The following SV2B variants were observed in gnomAD, a reference collection of about 807,000 sequenced individuals.
SV2B encodes the protein solute carrier family 22 member B2.
SV2B carries 41 observed loss-of-function variants against 73.9 expected under a neutral mutation model. That is an observed-to-expected ratio of 0.56 (90% CI 0.43 to 0.72). The LOEUF (loss-of-function observed/expected upper bound fraction) is 0.72. Among genes scored for constraint, SV2B ranks in the 30% least tolerant of loss-of-function variants. The pLI, the probability that SV2B is intolerant of heterozygous loss-of-function variation, is 0.00. For missense variants in SV2B, 764 were observed against 857.8 expected, an observed-to-expected ratio of 0.89 and a Z score of 1.37; for synonymous variants, 314 against 314.2, an observed-to-expected ratio of 1.00 and a Z score of 0.01.
chr15:91,269,937 C>G (rs1239551588), intron 9 of SV2B, among the ~76,000 whole-genome samples: 2 of 152,148 alleles, frequency 1.3e-5, no homozygotes, highest in South Asian at 2.1e-4. Context: ...TTATCCTCTG[C>G]CCAGAGTGAC....
chr15:91,204,307 T>G (rs565022449), intron 1 of SV2B, among the ~76,000 whole-genome samples: 1 of 152,270 alleles, frequency 6.6e-6, no homozygotes, highest in South Asian at 2.1e-4. Context: ...TTTAACTCAG[T>G]TCCTTGGTTG....
At chr15:91,207,468 G>A (rs1189299946) in intron 1 of SV2B, among the ~76,000 whole-genome samples, 1 of 152,076 alleles carries the variant, frequency 6.6e-6, no homozygotes, top group Non-Finnish European at 1.5e-5. Flanking sequence ...CTGTGTGTGT[G>A]GTCTGTGTGG....
chr15:91,189,920 G>A (rs1567328809), intron 1 of SV2B, among the ~76,000 whole-genome samples: 1 of 152,016 alleles, frequency 6.6e-6, no homozygotes, highest in Admixed American at 6.6e-5. Flanking sequence ...CCCGGGAGGC[G>A]GAGCTGGCAG....
intron 1 of SV2B, among the ~76,000 whole-genome samples, chr15:91,153,527 G>T (rs2043381884): frequency 6.6e-6 from 1 of 152,130 alleles, no homozygotes; most frequent in South Asian, 2.1e-4. Context: ...TCGTATGATT[G>T]CTTTGAGGAT....
chr15:91,173,653 G>T (rs975719835), intron 1 of SV2B, among the ~76,000 whole-genome samples: 1 of 152,192 alleles, frequency 6.6e-6, no homozygotes, highest in Non-Finnish European at 1.5e-5. Context: ...CTAAGTGGTT[G>T]CCCAGTTCCA....
intron 1 of SV2B, among the ~76,000 whole-genome samples, chr15:91,201,540 C>T (rs1364309919): frequency 2.6e-5 from 4 of 152,180 alleles, no homozygotes; most frequent in Admixed American, 6.5e-5. Context: ...GCCATTTCTC[C>T]CTGAACTCTG....
intron 1 of SV2B, among the ~76,000 whole-genome samples, chr15:91,158,140 T>G (rs1444343634): frequency 1.3e-5 from 2 of 152,178 alleles, no homozygotes; most frequent in Non-Finnish European, 2.9e-5. Flanking sequence ...TGACTCCCAA[T>G]GTGATGGTGT....
In SV2B at chr15:91,204,191, G is replaced by A. The variant is rs561437826; in HGVS notation, c.-391-21682G>A. Among the ~76,000 whole-genome samples, 7 of 152,238 alleles carry A rather than the reference G, an allele frequency of 4.6e-5. No homozygotes were observed. In the South Asian group the frequency reaches 1.0e-3, roughly 23 times the overall value. On this transcript the variant is annotated intron_variant, in intron 1 of 12. Coordinates refer to ENST00000394232, the MANE Select transcript of SV2B (RefSeq NM_001323032.3). Reference sequence around the variant, plus strand: ...TGACCCTGCTATGTCCACCCGGTTCGCTTTTAAATTTAGAGCATCTCTGTT... The same window carrying A: ...TGACCCTGCTATGTCCACCCGGTTCACTTTTAAATTTAGAGCATCTCTGTT...
chr15:91,204,619 C>T (rs566677419), intron 1 of SV2B, among the ~76,000 whole-genome samples: 19 of 147,306 alleles, frequency 1.3e-4, no homozygotes, highest in East Asian at 1.0e-3. Flanking sequence ...CATAGTGGCT[C>T]GGTCACAGCT....
chr15:91,126,176 A>G (rs768663860), intron 1 of SV2B, among the ~76,000 whole-genome samples: 7 of 152,206 alleles, frequency 4.6e-5, no homozygotes, highest in Non-Finnish European at 1.0e-4. Flanking sequence ...AAATTCAGGT[A>G]TGAGGGTTCC....
chr15:91,104,075 A>G (rs2041812450), intron 1 of SV2B, among the ~76,000 whole-genome samples: 1 of 152,220 alleles, frequency 6.6e-6, no homozygotes, highest in Non-Finnish European at 1.5e-5. Flanking sequence ...CTAGGGACTG[A>G]TTACATGCTT....
rs2046908563 is a variant in SV2B, at chr15:91,239,205, GA to G, written c.451+12493del. Among the ~76,000 whole-genome samples the G allele has an allele frequency of 2.0e-5, 3 of 152,102 alleles. No homozygotes were observed. The South Asian group carries it at 6.2e-4, about 32-fold the overall frequency. On this transcript the variant is annotated intron_variant, in intron 2 of 12. Transcript: ENST00000394232. The surrounding 1 kb of genome is among the most constrained non-coding windows in gnomAD (Gnocchi z 5.1). ...TCCGTGTGGGCTGGCCTGGCTGCTT[GA>G]ATGTGTGGAGTGTACGCTTTCTGTT... is the stretch of plus-strand genomic sequence containing the variant.
intron 1 of SV2B, among the ~76,000 whole-genome samples, chr15:91,147,391 C>T (rs758675849): frequency 3.3e-5 from 5 of 152,218 alleles, no homozygotes; most frequent in Non-Finnish European, 7.3e-5. Context: ...ATGTGCCATG[C>T]AGCCACTCCC....
chr15:91,285,329 G>A (rs1301374599), intron 11 of SV2B, among the ~76,000 whole-genome samples: 2 of 152,198 alleles, frequency 1.3e-5, no homozygotes, highest in Non-Finnish European at 2.9e-5. Flanking sequence ...TCCTCTATTA[G>A]AGGCAGTGCC....
At chr15:91,145,851 A>C (rs904231166) in intron 1 of SV2B, among the ~76,000 whole-genome samples, 1 of 151,886 alleles carries the variant, frequency 6.6e-6, no homozygotes, top group African/African-American at 2.4e-5. Flanking sequence ...TTTTCTTATA[A>C]ATTTAAGTTC....
rs57934375 is a variant in SV2B at position 91,233,691 on chromosome 15, GC to G, written c.451+6982del. Among the ~76,000 whole-genome samples the G allele has an allele frequency of 6.4e-3, 973 of 152,024 alleles. 2 individuals carry two copies. The highest frequency in any genetic ancestry group is 0.011 in the Non-Finnish European group (716 of 67,962). On this transcript the variant is annotated intron_variant, in intron 2 of 12. Coordinates refer to ENST00000394232, the MANE Select transcript of SV2B (RefSeq NM_001323032.3). ...CTTTGCCATTATAAGCATCCTCTCT[GC>G]CCCCATTCAGAGGAGATGAACTTTG...
intron 12 of SV2B, among the ~76,000 whole-genome samples, chr15:91,292,105 AAC>A (rs1567441611): frequency 6.6e-6 from 1 of 152,162 alleles, no homozygotes; most frequent in East Asian, 1.9e-4. Context: ...TTGAAAAAAA[AAC>A]AAAAAAGAAA....
At chr15:91,247,618 G>A (rs2047290121) in intron 2 of SV2B, among the ~76,000 whole-genome samples, 1 of 152,288 alleles carries the variant, frequency 6.6e-6, no homozygotes, top group South Asian at 2.1e-4. Context: ...GCAGTTGCTG[G>A]TGTTGGAGAG....
In SV2B at chr15:91,266,866, T is replaced by G. The variant is rs1417970999; in HGVS notation, c.1119+174T>G. On this transcript the variant is annotated intron_variant, in intron 7 of 12. Transcript: ENST00000394232. ...CAGCCCACGTCTGCCTCTAGCTTGC[T>G]GTGTGCCCTGGAGCTGAAAACTCTC... 9 of 510,914 alleles carry G rather than the reference T, an allele frequency of 1.8e-5. No individual in the cohort carries two copies. In the East Asian group the frequency reaches 2.8e-4, roughly 16 times the overall value. 31.6% of individuals were successfully genotyped at this position (510,914 alleles called of 1,614,324 possible).
Sources: gnomAD v4.1 joint callset for allele counts (sites outside exome capture counted in the v4.1 genomes callset) on GRCh38, gnomAD v4.1.1 for gene constraint, Gnocchi (gnomAD v3.1) non-coding constraint, MANE v1.5 for transcripts, NCBI Gene and HGNC (gene_info 2026-07-23, HGNC 2026-07-21) for gene names.